ABCA8: variants seen among roughly 807,000 people sequenced by gnomAD.
ABCA8 encodes ABC-type organic anion transporter ABCA8.
ABCA8 carries 177 observed loss-of-function variants against 192.3 expected under a neutral mutation model. The observed-to-expected ratio is 0.92, with a 90% confidence interval of 0.81 to 1.04. ABCA8 has a LOEUF of 1.04. Among genes scored for constraint, ABCA8 ranks in the 50% least tolerant of loss-of-function variants. The pLI is 0.00. For synonymous variants in ABCA8, 642 were observed against 690.2 expected (o/e 0.93, Z 1.09); for missense variants, 1,915 against 1,904.8 (o/e 1.01, Z -0.10).
At chr17:68,876,854 C>T in intron 33 of ABCA8, 151 bp from the exon 34 acceptor site, 1 of 813,932 alleles carries the variant, frequency 1.2e-6, no homozygotes. Flanking sequence ...ATATTACTGG[C>T]TGACTTGCTC....
At chr17:68,898,619 A>G (rs2066828270) in intron 21 of ABCA8, among the ~76,000 whole-genome samples, 3 of 152,156 alleles carry the variant, frequency 2.0e-5, no homozygotes, top group Admixed American at 2.0e-4. Flanking sequence ...GCAAATGTAT[A>G]ATGCAGTATG....
chr17:68,916,445 G>A (rs1213925898), intron 17 of ABCA8, among the ~76,000 whole-genome samples: 4 of 151,996 alleles, frequency 2.6e-5, no homozygotes, highest in Admixed American at 1.3e-4. Flanking sequence ...CCATTTATCC[G>A]ATGTTATTAT....
Position 68,868,186 on chromosome 17 carries a change from G to A in ABCA8, c.4768-3C>T, listed in dbSNP as rs2065962195. ...TCCTTGGAGAGCTCCAGGAAAACCT[G>A]AAAGGGAGGAAGGAAATAAAGAGAG... On this transcript the variant is annotated splice_region_variant and splice_polypyrimidine_tract_variant and intron_variant, in intron 39 of 39. Coordinates refer to ENST00000586539, the MANE Select transcript of ABCA8 (RefSeq NM_001288985.2). 6.2e-7 allele frequency: 1 copy of A among 1,612,510 alleles called. No individual in the cohort carries two copies. The highest frequency in any genetic ancestry group is 2.2e-5 in the East Asian group (1 of 44,820).
chr17:68,918,225 G>C (rs757406535), intron 15 of ABCA8, 40 bp from the exon 16 acceptor site: 1 of 1,609,224 alleles, frequency 6.2e-7, no homozygotes, highest in Admixed American at 1.7e-5. Context: ...TTTCCTCAAA[G>C]GTGAAGTTCT....
intron 2 of ABCA8, among the ~76,000 whole-genome samples, chr17:68,943,883 G>A (rs148181308): frequency 1.3e-3 from 200 of 151,932 alleles, no homozygotes; most frequent in Middle Eastern, 3.4e-3. Flanking sequence ...AATTACAATA[G>A]CAAAGAGTTG....
rs751110924 is a variant in ABCA8, at chr17:68,883,801, G to A, written c.3697C>T (p.Pro1233Ser). The A allele has an allele frequency of 1.3e-6, 2 of 1,583,042 alleles. No homozygotes were observed. The highest frequency in any genetic ancestry group is 3.7e-5 in the Admixed American group (2 of 53,704). ...TGTGTTTTTTCCAACCTAAAGAAAG[G>A]ATCCTTTCTCATTGATTTCTTTCCA... ...KFGKKSMRKD[P>S]FFRISPRSSD... Residue 1233 changes from proline (P) to serine (S), a missense_variant, in exon 29 of 40, where the codon CCT becomes TCT. Coordinates refer to ENST00000586539, the MANE Select transcript of ABCA8 (RefSeq NM_001288985.2).
intron 4 of ABCA8, among the ~76,000 whole-genome samples, chr17:68,940,205 A>G (rs1415841629): frequency 6.6e-6 from 1 of 152,110 alleles, no homozygotes; most frequent in Non-Finnish European, 1.5e-5. Flanking sequence ...CTTAACCTTA[A>G]CTCGTTAAGT....
chr17:68,902,915 T>C, intron 20 of ABCA8, 36 bp from the exon 21 acceptor site: 1 of 1,569,570 alleles, frequency 6.4e-7, no homozygotes, highest in Non-Finnish European at 8.7e-7. Context: ...GAATGCAATG[T>C]CATTTCCTGA....
At chr17:68,919,236 C>A in intron 14 of ABCA8, 65 bp downstream of exon 14, 2 of 1,383,870 alleles carry the variant, frequency 1.4e-6, no homozygotes, top group Non-Finnish European at 9.8e-7. Flanking sequence ...AAAATTAAAA[C>A]TCAGTGCAAA....
intron 24 of ABCA8, among the ~76,000 whole-genome samples, chr17:68,888,023 G>A (rs142655798): frequency 1.6e-3 from 216 of 135,734 alleles, no homozygotes; most frequent in Non-Finnish European, 2.9e-3. Context: ...TATATATGGA[G>A]TGTGTATATA....
At chr17:68,926,795 T>A (rs2067713522) in intron 10 of ABCA8, among the ~76,000 whole-genome samples, 1 of 152,210 alleles carries the variant, frequency 6.6e-6, no homozygotes, top group Admixed American at 6.5e-5. Context: ...AGGATGAATT[T>A]CCTGCCTCAA....
At position 68,931,946 on chromosome 17, in the gene ABCA8, C is replaced by T. The variant is rs188966030; in HGVS notation, c.797+342G>A. ...ATTGAAGAGGCCGGGCGTGGTGGCT[C>T]GCGCCTGTAATCCCAGCACTTTGGG... On this transcript the variant is annotated intron_variant, in intron 7 of 39. Coordinates refer to ENST00000586539, the MANE Select transcript of ABCA8 (RefSeq NM_001288985.2). The T allele has an allele frequency of 1.7e-4, 32 of 190,266 alleles. No individual in the cohort carries two copies. The East Asian group carries it at 3.4e-3, about 20-fold the overall frequency. The allele number at this position is 190,266 out of a possible 1,614,324, so 11.8% of individuals were successfully genotyped here.
At chr17:68,936,170 T>G (rs920971910) in intron 5 of ABCA8, among the ~76,000 whole-genome samples, 1 of 152,156 alleles carries the variant, frequency 6.6e-6, no homozygotes, top group Non-Finnish European at 1.5e-5. Context: ...GCAGAAGTTT[T>G]TTTTAGTTTA....
chr17:68,877,484 C>T, intron 33 of ABCA8, 35 bp downstream of exon 33: 1 of 1,568,866 alleles, frequency 6.4e-7, no homozygotes, highest in Non-Finnish European at 8.7e-7. Flanking sequence ...CCACCCCTCC[C>T]TTGGGTATAG....
At chr17:68,891,409 A>G in intron 24 of ABCA8, 80 bp downstream of exon 24, 1 of 976,378 alleles carries the variant, frequency 1.0e-6, no homozygotes, top group East Asian at 2.6e-5. Context: ...GCATGTAGAA[A>G]TATTCTTATG....
chr17:68,909,614 C>T (rs2067182907), intron 17 of ABCA8, among the ~76,000 whole-genome samples: 1 of 152,126 alleles, frequency 6.6e-6, no homozygotes, highest in African/African-American at 2.4e-5. Flanking sequence ...GGAATTGCTA[C>T]TCTCACTTTG....
At chr17:68,926,132 C>A (rs2067691479) in intron 10 of ABCA8, among the ~76,000 whole-genome samples, 1 of 151,710 alleles carries the variant, frequency 6.6e-6, no homozygotes, top group Non-Finnish European at 1.5e-5. Flanking sequence ...AAAGTAATAT[C>A]ATTAGAGTAT....
chr17:68,945,370 T>A (rs564854157), intron 2 of ABCA8, among the ~76,000 whole-genome samples: 1 of 152,260 alleles, frequency 6.6e-6, no homozygotes, highest in East Asian at 1.9e-4. Flanking sequence ...GAGTTCATTA[T>A]GTATTTTAGA....
intron 1 of ABCA8, among the ~76,000 whole-genome samples, chr17:68,951,420 G>A (rs762858038): frequency 1.3e-5 from 2 of 152,118 alleles, no homozygotes; most frequent in Non-Finnish European, 2.9e-5. Context: ...AGTGTTCCAC[G>A]TGCACCTAAC....
Sources: gnomAD v4.1 joint callset for allele counts (sites outside exome capture counted in the v4.1 genomes callset) on GRCh38, gnomAD v4.1.1 for gene constraint, MANE v1.5 for transcripts, NCBI Gene and HGNC (gene_info 2026-07-23, HGNC 2026-07-21) for gene names.